The following LCORL variants were observed in gnomAD, a reference collection of about 807,000 sequenced individuals.
LCORL encodes the protein ligand-dependent nuclear receptor corepressor-like protein.
LCORL carries 41 observed loss-of-function variants against 141.8 expected under a neutral mutation model. That is an observed-to-expected ratio of 0.29 (90% CI 0.23 to 0.38). The LOEUF (loss-of-function observed/expected upper bound fraction) is 0.38. Ranked by LOEUF, LCORL falls within the 10% of genes least tolerant of loss-of-function variation. LCORL has a pLI of 1.00. For missense variants in LCORL, 1,759 were observed against 2,035.0 expected (o/e 0.86, Z 2.61); for synonymous variants, 618 against 694.1 (o/e 0.89, Z 1.72).
At chr4:17,848,998 A>G in intron 7 of LCORL, among the ~76,000 whole-genome samples, 1 of 152,234 alleles carries the variant, frequency 6.6e-6, no homozygotes, top group Non-Finnish European at 1.5e-5. Context: ...ACCATTGCCC[A>G]GGCTTGCTTA....
At position 17,934,339 on chromosome 4, in the gene LCORL, T is replaced by C. The variant is rs750207151; in HGVS notation, c.431-24994A>G. Among the ~76,000 whole-genome samples the C allele has an allele frequency of 6.2e-4, 94 of 152,154 alleles. 1 individual carries two copies. Among genetic ancestry groups the C allele is most frequent in the Non-Finnish European group, 1.1e-3 (75 of 67,972 alleles). On this transcript the variant is annotated intron_variant, in intron 4 of 7. Transcript: ENST00000635767. ...GGGAAAAGTGATTATATGGGAATTC[T>C]GTACTTCCTGTTTAGTTCTTTTATA...
intron 1 of LCORL, among the ~76,000 whole-genome samples, chr4:17,994,325 CAT>C (rs1456362241): frequency 6.6e-6 from 1 of 152,076 alleles, no homozygotes; most frequent in Non-Finnish European, 1.5e-5. Context: ...TATTCCGTCT[CAT>C]GTCATGCTAC....
intron 4 of LCORL, among the ~76,000 whole-genome samples, chr4:17,936,815 T>C (rs188778237): frequency 5.3e-5 from 8 of 152,236 alleles, no homozygotes; most frequent in Admixed American, 5.2e-4. Flanking sequence ...AATAACTTAG[T>C]TTAATTAGAA....
chr4:17,860,743 C>T (rs1271524953), intron 7 of LCORL, among the ~76,000 whole-genome samples: 1 of 152,212 alleles, frequency 6.6e-6, no homozygotes, highest in African/African-American at 2.4e-5. Context: ...AAGTTAGTTA[C>T]TTCCTAGATA....
intron 6 of LCORL, chr4:17,883,909 T>C (rs1727939171): frequency 1.3e-6 from 2 of 1,550,750 alleles, no homozygotes; most frequent in East Asian, 4.9e-5. Context: ...CACTCATTTT[T>C]CCGCTCATTA....
At chr4:18,012,847 C>T (rs1420039719) in intron 1 of LCORL, among the ~76,000 whole-genome samples, 1 of 152,164 alleles carries the variant, frequency 6.6e-6, no homozygotes, top group East Asian at 1.9e-4. Context: ...TATTCCCCAT[C>T]TTACTAAGTA....
At chr4:17,993,923 T>C (rs1720474646) in intron 1 of LCORL, among the ~76,000 whole-genome samples, 1 of 152,178 alleles carries the variant, frequency 6.6e-6, no homozygotes, top group Non-Finnish European at 1.5e-5. Flanking sequence ...ACAGCGTCAT[T>C]ATTTTGAGGT....
At chr4:17,967,843 T>C (rs906845047) in intron 2 of LCORL, among the ~76,000 whole-genome samples, 1 of 152,042 alleles carries the variant, frequency 6.6e-6, no homozygotes, top group Non-Finnish European at 1.5e-5. Context: ...CCATTTGCCA[T>C]TACTTTTTTT....
At chr4:17,977,562 C>G (rs1560431596) in intron 1 of LCORL, among the ~76,000 whole-genome samples, 1 of 152,152 alleles carries the variant, frequency 6.6e-6, no homozygotes, top group Non-Finnish European at 1.5e-5. Flanking sequence ...CTTCAGATAC[C>G]TCTGTTCAAA....
At chr4:17,905,067 T>C (rs1232833182) in intron 5 of LCORL, among the ~76,000 whole-genome samples, 2 of 152,158 alleles carry the variant, frequency 1.3e-5, no homozygotes, top group African/African-American at 4.8e-5. Context: ...TTCTTAGGCA[T>C]TTCACTGTTT....
At chr4:17,900,609 T>C (rs560900983) in intron 5 of LCORL, among the ~76,000 whole-genome samples, 1 of 148,608 alleles carries the variant, frequency 6.7e-6, no homozygotes, top group Non-Finnish European at 1.5e-5. Flanking sequence ...AAAGTAACAA[T>C]TAACTTCTGG....
chr4:17,982,759 A>C (rs1473334860), intron 1 of LCORL, among the ~76,000 whole-genome samples: 2 of 152,084 alleles, frequency 1.3e-5, no homozygotes, highest in Admixed American at 1.3e-4. Context: ...GCTGTGCAGA[A>C]GCTCTTTAAT....
At chr4:18,013,887 A>G (rs1724209797) in intron 1 of LCORL, among the ~76,000 whole-genome samples, 1 of 151,574 alleles carries the variant, frequency 6.6e-6, no homozygotes, top group Non-Finnish European at 1.5e-5. Flanking sequence ...CATGCACTGC[A>G]ACCTCCGCCT....
chr4:17,973,698 C>G (rs1291771077), intron 1 of LCORL, among the ~76,000 whole-genome samples: 1 of 150,664 alleles, frequency 6.6e-6, no homozygotes, highest in African/African-American at 2.4e-5. Flanking sequence ...CCCTATAAAT[C>G]AAAGAAAAAG....
chr4:17,946,357 C>T (rs1738876164), intron 4 of LCORL, among the ~76,000 whole-genome samples: 1 of 151,956 alleles, frequency 6.6e-6, no homozygotes, highest in Non-Finnish European at 1.5e-5. Flanking sequence ...TTAAAAACCA[C>T]ACACATGCAT....
intron 1 of LCORL, among the ~76,000 whole-genome samples, chr4:17,994,890 G>C (rs1185911505): frequency 1.3e-5 from 2 of 152,058 alleles, no homozygotes; most frequent in African/African-American, 2.4e-5. Context: ...GGCTATGCTA[G>C]CCCAATGCCT....
intron 4 of LCORL, among the ~76,000 whole-genome samples, chr4:17,909,577 T>G (rs1440372746): frequency 6.6e-6 from 1 of 152,058 alleles, no homozygotes; most frequent in African/African-American, 2.4e-5. Context: ...TTAAACATTC[T>G]CTGGTCCCAA....
intron 4 of LCORL, among the ~76,000 whole-genome samples, chr4:17,920,132 A>AG (rs771403331): frequency 1.3e-5 from 2 of 152,200 alleles, no homozygotes; most frequent in Non-Finnish European, 2.9e-5. Flanking sequence ...GAACCCAAAG[A>AG]GGGGGTCATG....
At chr4:17,911,633 A>G in intron 4 of LCORL, 1 of 423,336 alleles carries the variant, frequency 2.4e-6, no homozygotes, top group Non-Finnish European at 4.6e-6. Context: ...GGTCGTTGGC[A>G]AAGTCTGAGT....
Sources: gnomAD v4.1 joint callset for allele counts (sites outside exome capture counted in the v4.1 genomes callset) on GRCh38, gnomAD v4.1.1 for gene constraint, MANE v1.5 for transcripts, NCBI Gene and HGNC (gene_info 2026-07-23, HGNC 2026-07-21) for gene names.